Variants in ZNF487 observed in about 807,000 individuals in gnomAD.
ZNF487 encodes zinc finger protein 487.
A neutral mutation model predicts 3.0 loss-of-function variants in ZNF487; 4 were observed. That is an observed-to-expected ratio of 1.35 (90% confidence interval 0.66 to 3.08). The LOEUF is 3.08. ZNF487 is among the 30% of genes most tolerant of loss of function. The pLI is 0.01. For synonymous variants in ZNF487, 55 were observed against 34.6 expected (o/e 1.59, Z -2.06); for missense variants, 146 against 98.7 (o/e 1.48, Z -2.03).
At chr10:43,487,409 G>A (rs1390527665), downstream of ZNF487, among the ~76,000 whole-genome samples, 1 of 151,334 alleles carries the variant, frequency 6.6e-6, no homozygotes, top group African/African-American at 2.4e-5. Flanking sequence ...AAAGTGCTGG[G>A]ATTACAGGCG....
chr10:43,494,534 T>C, the ZNF487 span, among the ~76,000 whole-genome samples: 1 of 141,670 alleles, frequency 7.1e-6, no homozygotes, highest in Non-Finnish European at 1.6e-5. Flanking sequence ...GCCCCTAAGA[T>C]GCAAACCTGG....
downstream of ZNF487, among the ~76,000 whole-genome samples, chr10:43,486,755 C>T (rs143114519): frequency 2.4e-3 from 364 of 152,226 alleles, 3 homozygotes; most frequent in South Asian, 0.021. Context: ...CAGCTGCTAC[C>T]TTGGTTATAG....
At chr10:43,521,027 T>C in the ZNF487 span, among the ~76,000 whole-genome samples, 1 of 152,198 alleles carries the variant, frequency 6.6e-6, no homozygotes, top group African/African-American at 2.4e-5. Flanking sequence ...TAATATTGTG[T>C]TGAATCTGGG....
At chr10:43,491,010 A>G in the ZNF487 span, among the ~76,000 whole-genome samples, 159 of 116,914 alleles carry the variant, frequency 1.4e-3, 1 homozygote, top group Admixed American at 2.2e-3. Context: ...ACAGAGTCTC[A>G]CTCTGTCTCC....
chr10:43,514,978 G>T, the ZNF487 span, among the ~76,000 whole-genome samples: 21 of 152,306 alleles, frequency 1.4e-4, no homozygotes, highest in East Asian at 2.5e-3. Context: ...TATCCAGCTT[G>T]CTCACAGTGG....
intron 1 of ZNF487, among the ~76,000 whole-genome samples, chr10:43,460,774 C>G (rs956146160): frequency 1.3e-5 from 2 of 151,624 alleles, no homozygotes; most frequent in Non-Finnish European, 2.9e-5. Flanking sequence ...CTTACTGCAA[C>G]CTTTGCCTCC....
At chr10:43,497,981 A>AAGATAGAT in the ZNF487 span, among the ~76,000 whole-genome samples, 3 of 33,230 alleles carry the variant, frequency 9.0e-5, no homozygotes, top group African/African-American at 4.3e-4. Context: ...AAAAAGAAAA[A>AAGATAGAT]AGATATATAT....
At chr10:43,489,304 T>A in the ZNF487 span, among the ~76,000 whole-genome samples, 6 of 152,292 alleles carry the variant, frequency 3.9e-5, no homozygotes, top group Non-Finnish European at 4.4e-5. Context: ...GAAAAAAATT[T>A]AAAAAGTCAC....
At chr10:43,504,648 T>C in the ZNF487 span, among the ~76,000 whole-genome samples, 1 of 152,008 alleles carries the variant, frequency 6.6e-6, no homozygotes, top group South Asian at 2.1e-4. Context: ...TGAAATAACT[T>C]TTTTAGTGGC....
intron 1 of ZNF487, chr10:43,452,993 C>T (rs1223898803): frequency 2.0e-5 from 3 of 151,036 alleles, no homozygotes; most frequent in African/African-American, 7.3e-5. Context: ...TGAATGTAGT[C>T]GACTGGTGAT....
At chr10:43,442,278 A>C (rs919283791) in intron 1 of ZNF487, among the ~76,000 whole-genome samples, 13 of 151,042 alleles carry the variant, frequency 8.6e-5, no homozygotes, top group African/African-American at 2.9e-4. Flanking sequence ...CAAAAAAAAA[A>C]CAAAGAAAAA....
the ZNF487 span, among the ~76,000 whole-genome samples, chr10:43,493,687 C>CAAAAAAAAA: frequency 5.9e-4 from 8 of 13,480 alleles, no homozygotes; most frequent in South Asian, 3.4e-3. Context: ...GACCCTTCCT[C>CAAAAAAAAA]AAAAAAAGAA....
chr10:43,487,558 G>T (rs139161430), downstream of ZNF487, among the ~76,000 whole-genome samples: 928 of 150,388 alleles, frequency 6.2e-3, 9 homozygotes, highest in African/African-American at 0.018. Context: ...CAGGAAATTC[G>T]CCTGCCTCAG....
At chr10:43,480,525 C>T (rs558764331) in intron 3 of ZNF487, among the ~76,000 whole-genome samples, 6 of 152,212 alleles carry the variant, frequency 3.9e-5, no homozygotes, top group African/African-American at 1.4e-4. Flanking sequence ...AAGCGATTCT[C>T]CTGCCTCAGC....
At chr10:43,520,714 GGA>G in the ZNF487 span, among the ~76,000 whole-genome samples, 2 of 152,246 alleles carry the variant, frequency 1.3e-5, no homozygotes, top group African/African-American at 4.8e-5. Context: ...GGATATTATG[GGA>G]TAATAGCTAT....
At chr10:43,449,718 C>T (rs568577521) in intron 1 of ZNF487, among the ~76,000 whole-genome samples, 37 of 149,488 alleles carry the variant, frequency 2.5e-4, no homozygotes, top group African/African-American at 8.1e-4. Context: ...CTCACTCTGT[C>T]GCCCAGTCTG....
At chr10:43,503,231 G>A in the ZNF487 span, among the ~76,000 whole-genome samples, 149 of 152,114 alleles carry the variant, frequency 9.8e-4, no homozygotes, top group Non-Finnish European at 1.7e-3. Flanking sequence ...GGGCTAATGT[G>A]TATGTGTGTG....
chr10:43,492,697 C>T, the ZNF487 span, among the ~76,000 whole-genome samples: 3 of 152,122 alleles, frequency 2.0e-5, no homozygotes, highest in Non-Finnish European at 4.4e-5. Flanking sequence ...TCGTGATCCG[C>T]CGGCCTCGGC....
At chr10:43,486,483 G>A (rs376674718), downstream of ZNF487, among the ~76,000 whole-genome samples, 7 of 151,464 alleles carry the variant, frequency 4.6e-5, no homozygotes, top group Admixed American at 1.3e-4. Flanking sequence ...CCGAGATTGC[G>A]CCATTGCACT....
Sources: allele counts gnomAD v4.1 joint callset (sites outside exome capture counted in the v4.1 genomes callset), GRCh38; gene constraint gnomAD v4.1.1; transcripts MANE v1.5; gene names NCBI Gene and HGNC (gene_info 2026-07-23, HGNC 2026-07-21).